REDIC1: variants seen among roughly 807,000 people sequenced by gnomAD.
The protein encoded by REDIC1 is regulator of DNA class I crossover intermediates 1, also known as HEI10 Interacting Protein 1.
At chr12:39,871,847 C>A in the REDIC1 span, 1 of 1,612,600 alleles carries the variant, frequency 6.2e-7, no homozygotes, top group Non-Finnish European at 8.5e-7. Context: ...TCTCAACAAG[C>A]CAGACTCCCA....
chr12:39,881,491 C>A, the REDIC1 span, among the ~76,000 whole-genome samples: 1 of 152,144 alleles, frequency 6.6e-6, no homozygotes, highest in Admixed American at 6.6e-5. Context: ...CTTTTCACCT[C>A]GCCTCATCAT....
the REDIC1 span, among the ~76,000 whole-genome samples, chr12:39,812,996 A>ATTTTTTTTTTTTTTTTT: frequency 8.0e-3 from 326 of 40,618 alleles, 120 homozygotes; most frequent in Non-Finnish European, 0.011. Context: ...TGCCCAGCTA[A>ATTTTTTTTTTTTTTTTT]TTTTTTTTTT....
the REDIC1 span, among the ~76,000 whole-genome samples, chr12:39,628,188 G>A: frequency 2.0e-5 from 3 of 152,080 alleles, no homozygotes; most frequent in African/African-American, 7.3e-5. Context: ...TGGTTGCATT[G>A]TAGAGTGAAA....
At chr12:39,717,337 G>A in the REDIC1 span, among the ~76,000 whole-genome samples, 1 of 151,658 alleles carries the variant, frequency 6.6e-6, no homozygotes, top group South Asian at 2.1e-4. Context: ...CACATATTTT[G>A]TATGTTGTAT....
chr12:39,670,659 T>C, the REDIC1 span, among the ~76,000 whole-genome samples: 1 of 152,336 alleles, frequency 6.6e-6, no homozygotes, highest in South Asian at 2.1e-4. Flanking sequence ...ATTAAACTTT[T>C]CTTCACCTTT....
At chr12:39,803,277 A>G in the REDIC1 span, among the ~76,000 whole-genome samples, 2 of 152,074 alleles carry the variant, frequency 1.3e-5, no homozygotes, top group Non-Finnish European at 2.9e-5. Flanking sequence ...CACAGATAAA[A>G]CCGTGATGAA....
chr12:39,764,089 G>A, the REDIC1 span, among the ~76,000 whole-genome samples: 1 of 152,020 alleles, frequency 6.6e-6, no homozygotes, highest in East Asian at 1.9e-4. Flanking sequence ...CATCTCATTG[G>A]CCCTAGACTC....
At chr12:39,643,616 G>A in the REDIC1 span, among the ~76,000 whole-genome samples, 1 of 151,592 alleles carries the variant, frequency 6.6e-6, no homozygotes, top group East Asian at 1.9e-4. Flanking sequence ...TAGGCAAACT[G>A]CAAGTTATGA....
At chr12:39,684,927 G>T in the REDIC1 span, 35 of 1,607,532 alleles carry the variant, frequency 2.2e-5, no homozygotes, top group South Asian at 2.9e-4. Flanking sequence ...GACTTGATGA[G>T]GTAAAGCACA....
the REDIC1 span, among the ~76,000 whole-genome samples, chr12:39,856,000 C>T: frequency 2.6e-5 from 4 of 152,170 alleles, no homozygotes; most frequent in South Asian, 2.1e-4. Flanking sequence ...GCTGGGTCTA[C>T]TAGCATGCCC....
chr12:39,768,978 C>G, the REDIC1 span, among the ~76,000 whole-genome samples: 1 of 152,020 alleles, frequency 6.6e-6, no homozygotes, highest in Non-Finnish European at 1.5e-5. Context: ...TCCATTCTTC[C>G]TCTATTTTTG....
the REDIC1 span, among the ~76,000 whole-genome samples, chr12:39,900,229 A>G: frequency 3.9e-5 from 6 of 152,150 alleles, no homozygotes; most frequent in Non-Finnish European, 7.4e-5. Flanking sequence ...CCCACAGCCA[A>G]TATCATACTG....
At chr12:39,692,047 A>G in the REDIC1 span, 8 of 1,569,548 alleles carry the variant, frequency 5.1e-6, no homozygotes, top group Non-Finnish European at 6.9e-6. Flanking sequence ...GTTTTCTCCT[A>G]GATTCTGATG....
chr12:39,678,392 A>G, the REDIC1 span, among the ~76,000 whole-genome samples: 1 of 152,086 alleles, frequency 6.6e-6, no homozygotes, highest in Non-Finnish European at 1.5e-5. Context: ...ACCAGGAAGA[A>G]ATAGAAACTC....
the REDIC1 span, among the ~76,000 whole-genome samples, chr12:39,687,595 C>T: frequency 6.6e-6 from 1 of 152,176 alleles, no homozygotes; most frequent in Non-Finnish European, 1.5e-5. Context: ...AACTACTTCC[C>T]ATGATTCAGT....
chr12:39,837,309 C>T, the REDIC1 span, among the ~76,000 whole-genome samples: 1 of 147,370 alleles, frequency 6.8e-6, no homozygotes, highest in African/African-American at 2.5e-5. Flanking sequence ...GAAACTGGAT[C>T]CCTTCCTTAC....
At chr12:39,753,029 A>G in the REDIC1 span, among the ~76,000 whole-genome samples, 7 of 152,326 alleles carry the variant, frequency 4.6e-5, no homozygotes, top group African/African-American at 1.2e-4. Context: ...GGTGATGCCA[A>G]TGCTACTAGT....
chr12:39,705,381 A>C, the REDIC1 span, among the ~76,000 whole-genome samples: 1 of 152,078 alleles, frequency 6.6e-6, no homozygotes, highest in Admixed American at 6.6e-5. Flanking sequence ...TCTACAAAAC[A>C]TGTAACGAAG....
At chr12:39,640,701 A>G in the REDIC1 span, among the ~76,000 whole-genome samples, 1 of 151,884 alleles carries the variant, frequency 6.6e-6, no homozygotes, top group South Asian at 2.1e-4. Context: ...ATTAGAATTC[A>G]GATTTATTTT....
Sources: allele counts gnomAD v4.1 joint callset (sites outside exome capture counted in the v4.1 genomes callset), GRCh38; gene constraint gnomAD v4.1.1; transcripts MANE v1.5; gene names NCBI Gene and HGNC (gene_info 2026-07-23, HGNC 2026-07-21).